STPG2: variants seen among roughly 807,000 people sequenced by gnomAD.
STPG2 encodes the protein sperm-tail PG-rich repeat-containing protein 2.
Under a neutral mutation model 54.2 loss-of-function variants are expected in STPG2, and 56 were observed. The ratio of observed to expected loss-of-function variants is 1.03; its 90% CI spans 0.83 to 1.29. The LOEUF is 1.29. Among genes scored for constraint, STPG2 ranks in the 50% most tolerant of loss-of-function variants. STPG2 has a pLI of 0.00. For synonymous variants in STPG2, 200 were observed against 181.8 expected (o/e 1.10, Z -0.81); for missense variants, 596 against 544.9 (o/e 1.09, Z -0.93).
intron 6 of STPG2, among the ~76,000 whole-genome samples, chr4:97,980,707 C>A (rs753238357): frequency 3.3e-5 from 5 of 152,088 alleles, no homozygotes; most frequent in Non-Finnish European, 7.4e-5. Flanking sequence ...TGTATGTCAG[C>A]AATTTTATAA....
chr4:98,060,730 G>C (rs557623903), intron 5 of STPG2, among the ~76,000 whole-genome samples: 34 of 152,170 alleles, frequency 2.2e-4, no homozygotes, highest in African/African-American at 7.7e-4. Context: ...ATAGACCAAT[G>C]GAACAGAATA....
chr4:97,904,262 C>T (rs1301363618), intron 8 of STPG2, among the ~76,000 whole-genome samples: 10 of 152,210 alleles, frequency 6.6e-5, no homozygotes, highest in Non-Finnish European at 1.5e-4. Context: ...TGAGAACAGG[C>T]AGACTGCCTC....
At chr4:97,712,887 A>G in intron 9 of STPG2, 73 bp from the exon 10 acceptor site, 2 of 984,378 alleles carry the variant, frequency 2.0e-6, no homozygotes, top group Admixed American at 2.7e-5. Flanking sequence ...TATGAATATT[A>G]GGTTTGTGCT....
chr4:97,469,483 C>T (rs1479012496), intron 4 of STPG2, among the ~76,000 whole-genome samples: 1 of 151,946 alleles, frequency 6.6e-6, no homozygotes, highest in Non-Finnish European at 1.5e-5. Context: ...CCAAATATAA[C>T]TGGTAGGATG....
At position 97,536,639 on chromosome 4, in the gene STPG2, G is replaced by A. The variant is rs186262137; in HGVS notation, c.462+176060C>T. ...CCAAACTAGGTGGGTGTCAGATGAC[G>A]TAAAGGCTTCAGAGACATGTTAGAA... On this transcript the variant is annotated intron_variant, in intron 4 of 4. Transcript: ENST00000522676. 9.2e-4 allele frequency among the ~76,000 whole-genome samples: 140 copies of A among 152,306 alleles called. 2 individuals are homozygous for A. Among genetic ancestry groups the A allele is most frequent in the Middle Eastern group, 3.4e-3 (1 of 294 alleles).
intron 5 of STPG2, among the ~76,000 whole-genome samples, chr4:98,100,324 G>A (rs10009943): frequency 0.4 from 60,203 of 151,954 alleles, 12,168 homozygotes; most frequent in Middle Eastern, 0.46. Flanking sequence ...GTTTAATTGA[G>A]GATGTTAGAT....
chr4:97,722,939 A>G (rs912074418), intron 9 of STPG2, among the ~76,000 whole-genome samples: 12 of 149,058 alleles, frequency 8.1e-5, no homozygotes, highest in African/African-American at 3.0e-4. Context: ...CTGGGACTAC[A>G]GGTGCCCACC....
chr4:97,487,159 T>C (rs112021750), intron 4 of STPG2, among the ~76,000 whole-genome samples: 3,038 of 150,738 alleles, frequency 0.02, 64 homozygotes, highest in African/African-American at 0.057. Context: ...ACTTAACTCA[T>C]ATAACCAAAT....
rs543093174 is a variant in STPG2, at chr4:97,562,653, G to C, written c.1321-3536C>G. The stretch of plus-strand genomic sequence containing the variant: ...TTTCTTGAGAGTTTTTAGCATGAAG[G>C]GTTGTTGAATTTTGTCAAAGGCCTT... On this transcript the variant is annotated intron_variant, in intron 10 of 10. Transcript: ENST00000295268. Among the ~76,000 whole-genome samples, 48 of 152,200 alleles carry C rather than the reference G, an allele frequency of 3.2e-4. No homozygotes were observed. In the South Asian group the frequency reaches 6.0e-3, roughly 19 times the overall value.
intron 5 of STPG2, among the ~76,000 whole-genome samples, chr4:97,998,834 TG>T (rs1188258843): frequency 6.6e-6 from 1 of 152,164 alleles, no homozygotes; most frequent in African/African-American, 2.4e-5. Flanking sequence ...GACTCCATTT[TG>T]TGCTCCCTGA....
At chr4:97,445,153 C>T (rs1466522527) in intron 4 of STPG2, among the ~76,000 whole-genome samples, 2 of 151,956 alleles carry the variant, frequency 1.3e-5, no homozygotes, top group African/African-American at 4.8e-5. Flanking sequence ...TAAATAAAAT[C>T]ATTTAAAAAT....
intron 4 of STPG2, among the ~76,000 whole-genome samples, chr4:97,477,791 C>T (rs1219514041): frequency 2.0e-5 from 3 of 151,856 alleles, no homozygotes; most frequent in Admixed American, 6.6e-5. Context: ...CGCCTGGCCT[C>T]GCTTTTTAAA....
chr4:97,934,161 C>T (rs1162142710), intron 8 of STPG2, among the ~76,000 whole-genome samples: 1 of 151,986 alleles, frequency 6.6e-6, no homozygotes, highest in African/African-American at 2.4e-5. Context: ...TGGCTCTGTG[C>T]TTGTCTATTG....
At chr4:98,124,885 T>A (rs536973400) in intron 3 of STPG2, among the ~76,000 whole-genome samples, 1 of 152,202 alleles carries the variant, frequency 6.6e-6, no homozygotes, top group Non-Finnish European at 1.5e-5. Context: ...TTTCCATTTC[T>A]TTTTCTCTAA....
At chr4:97,919,430 G>C (rs890821474) in intron 8 of STPG2, among the ~76,000 whole-genome samples, 6 of 145,274 alleles carry the variant, frequency 4.1e-5, no homozygotes. Flanking sequence ...CTCCTAGTAA[G>C]ACTTATTACA....
intron 4 of STPG2, among the ~76,000 whole-genome samples, chr4:97,507,892 T>A (rs964076777): frequency 6.6e-6 from 1 of 151,954 alleles, no homozygotes; most frequent in Non-Finnish European, 1.5e-5. Flanking sequence ...CATCCAAAGA[T>A]TTTATTGGGG....
chr4:97,786,617 GAA>G (rs757801811), intron 9 of STPG2, among the ~76,000 whole-genome samples: 14 of 152,188 alleles, frequency 9.2e-5, no homozygotes, highest in Non-Finnish European at 1.5e-4. Context: ...GGAGTAGGGT[GAA>G]AGAGTTTAAA....
chr4:97,858,227 A>G (rs1373731924), intron 8 of STPG2, among the ~76,000 whole-genome samples: 1 of 152,096 alleles, frequency 6.6e-6, no homozygotes, highest in Non-Finnish European at 1.5e-5. Flanking sequence ...TACTACAAAC[A>G]AGACTACCTC....
At chr4:98,128,378 T>C (rs1268662454) in intron 3 of STPG2, 50 bp downstream of exon 3, 4 of 1,474,270 alleles carry the variant, frequency 2.7e-6, no homozygotes, top group Non-Finnish European at 2.7e-6. Context: ...AACCCATATG[T>C]AAATCATAAA....
Sources: allele counts gnomAD v4.1 joint callset (sites outside exome capture counted in the v4.1 genomes callset), GRCh38; gene constraint gnomAD v4.1.1; transcripts MANE v1.5; gene names NCBI Gene and HGNC (gene_info 2026-07-23, HGNC 2026-07-21).